Variants in CFLAR observed in about 807,000 individuals in gnomAD.
CFLAR encodes the protein CASP8 and FADD-like apoptosis regulator.
In CFLAR, 14 loss-of-function variants were observed where a neutral mutation model predicts 51.1. That is an observed-to-expected ratio of 0.27 (90% CI 0.18 to 0.43). The LOEUF (loss-of-function observed/expected upper bound fraction) is 0.43, where lower values mean the gene tolerates loss of function less well. Among genes scored for constraint, CFLAR ranks in the 20% least tolerant of loss-of-function variants. The pLI is 1.00. For missense variants in CFLAR, 390 were observed against 566.5 expected (o/e 0.69, Z 3.16); for synonymous variants, 210 against 211.6 (o/e 0.99, Z 0.06).
At position 201,129,992 on chromosome 2, in the gene CFLAR, A is replaced by G. The variant is rs1559181871; in HGVS notation, c.127A>G (p.Ile43Val). ...ACCTAATGTCAGGGACCTTCTGGATATTTTACGGGAAAGAGGTAAGCTGTC... is the reference window on the plus strand; with the variant it reads ...ACCTAATGTCAGGGACCTTCTGGATGTTTTACGGGAAAGAGGTAAGCTGTC... ...VPPNVRDLLD[I>V]LRERGKLSVG... Residue 43 changes from isoleucine (I) to valine (V), a missense_variant, in exon 2 of 10, where the codon ATT becomes GTT. By Grantham distance (29) the Ile-to-Val change is conservative. This residue lies in a region of CFLAR where 103 missense variants were observed against 202.9 expected (regional missense o/e 0.51). Coordinates refer to ENST00000309955, the MANE Select transcript of CFLAR (RefSeq NM_003879.7). 2.5e-6 allele frequency: 4 copies of G among 1,614,130 alleles called. No individual in the cohort carries two copies. The highest frequency in any genetic ancestry group is 4.5e-5 in the East Asian group (2 of 44,884).
Position 201,149,826 on chromosome 2 carries a change from A to G in CFLAR, c.784A>G (p.Asn262Asp). 1 of 1,612,994 alleles carries G rather than the reference A, an allele frequency of 6.2e-7. No homozygotes were observed. Among genetic ancestry groups the G allele is most frequent in the Non-Finnish European group, 8.5e-7 (1 of 1,178,952 alleles). ...CTGCCTGATAATCGATTGCATTGGC[A>G]ATGAGACAGGTAGGTGTGGAAGCTG... ...GICLIIDCIG[N>D]ETELLRDTFT... The change falls in exon 8 of 10, where the codon AAT (asparagine) becomes GAT (aspartate). Residue 262 changes from asparagine to aspartate, a missense_variant. Physicochemically the swap from Asn to Asp is conservative, Grantham distance 23. Around this residue, in one of 2 missense-constraint regions of CFLAR, gnomAD observed 287 missense variants for 363.6 expected, o/e 0.79. Coordinates refer to ENST00000309955, the MANE Select transcript of CFLAR (RefSeq NM_003879.7).
At chr2:201,127,668 G>GCATA (rs2048837725) in intron 1 of CFLAR, among the ~76,000 whole-genome samples, 1 of 152,176 alleles carries the variant, frequency 6.6e-6, no homozygotes, top group Admixed American at 6.5e-5. Flanking sequence ...ACTGCCTCCA[G>GCATA]CATACACACA....
intron 8 of CFLAR, 73 bp downstream of exon 8, chr2:201,149,908 G>T: frequency 1.7e-6 from 2 of 1,151,692 alleles, no homozygotes; most frequent in Non-Finnish European, 1.3e-6. Flanking sequence ...GTATTCATTG[G>T]AGTGATCAGC....
intron 8 of CFLAR, among the ~76,000 whole-genome samples, chr2:201,158,633 TTCAGCACTGGGTA>T (rs1386661252): frequency 6.6e-6 from 1 of 152,116 alleles, no homozygotes; most frequent in Non-Finnish European, 1.5e-5. Flanking sequence ...TCAGCCTGGA[TTCAGCACTGGGTA>T]TCGAAACAAG....
chr2:201,159,858 T>C (rs1301446607), intron 8 of CFLAR, among the ~76,000 whole-genome samples: 3 of 152,256 alleles, frequency 2.0e-5, no homozygotes, highest in Non-Finnish European at 4.4e-5. Flanking sequence ...TGGGCTGTTC[T>C]GGCCCAGAGT....
intron 1 of CFLAR, chr2:201,129,492 T>C (rs1337042519): frequency 8.0e-6 from 3 of 374,764 alleles, no homozygotes; most frequent in African/African-American, 4.2e-5. Flanking sequence ...TGCAGATGAG[T>C]TCATCTGTTG....
intron 1 of CFLAR, among the ~76,000 whole-genome samples, chr2:201,117,446 G>T (rs1444182536): frequency 6.6e-6 from 1 of 152,194 alleles, no homozygotes; most frequent in East Asian, 1.9e-4. Context: ...CCACGGGCAG[G>T]AAGTAAATTC....
rs750123826 is a variant in CFLAR at position 201,160,538 on chromosome 2, C to T, written c.900C>T (p.Pro300=). The change falls in exon 9 of 10, where the codon CCC becomes CCT. Residue 300 remains proline, a synonymous_variant. Coordinates refer to ENST00000309955, the MANE Select transcript of CFLAR (RefSeq NM_003879.7). ...TTCTTGGCCAATTTGCCTGTATGCC[C>T]GAGCACCGAGACTACGACAGCTTTG... ...SQILGQFACM[P]EHRDYDSFVC... 1.2e-5 allele frequency: 20 copies of T among 1,613,790 alleles called. No individual in the cohort carries two copies. The highest frequency in any genetic ancestry group is 6.7e-5 in the Admixed American group (4 of 59,978).
At chr2:201,132,721 G>C (rs2049496422) in intron 2 of CFLAR, 1 of 268,134 alleles carries the variant, frequency 3.7e-6, no homozygotes. Context: ...TCATTTCACT[G>C]TAACCTCTGG....
rs1184873586 is a variant in CFLAR, at chr2:201,116,856, C to G, written c.-138+375C>G. On this transcript the variant is annotated intron_variant, in intron 1 of 9. Coordinates refer to ENST00000309955, the MANE Select transcript of CFLAR (RefSeq NM_003879.7). The surrounding 1 kb of genome is among the most constrained non-coding windows in gnomAD (Gnocchi z 4.8). ...CTGGGCCACAGCGGTACAAGCTGCACCCCGATGGACCTGAGAGACCGGAAG... is the reference window on the plus strand; with the variant it reads ...CTGGGCCACAGCGGTACAAGCTGCAGCCCGATGGACCTGAGAGACCGGAAG... The G allele has an allele frequency of 6.6e-6, 1 of 152,298 alleles. No homozygotes were observed. Among genetic ancestry groups the G allele is most frequent in the Non-Finnish European group, 1.5e-5 (1 of 68,090 alleles). The allele number at this position is 152,298 out of a possible 1,614,324, so 9.4% of individuals were successfully genotyped here.
In CFLAR at chr2:201,129,976, C is replaced by T; in HGVS notation, c.111C>T (p.Val37=). Reference sequence around the variant, plus strand: ...CTATAGATGTGGTTCCACCTAATGTCAGGGACCTTCTGGATATTTTACGGG... The same window carrying T: ...CTATAGATGTGGTTCCACCTAATGTTAGGGACCTTCTGGATATTTTACGGG... The part of the protein sequence containing the change: ...DVAIDVVPPN[V]RDLLDILRER... Residue 37 remains valine (V), a synonymous_variant, in exon 2 of 10, where the codon GTC becomes GTT. Coordinates refer to ENST00000309955, the MANE Select transcript of CFLAR (RefSeq NM_003879.7). 1 of 1,614,154 alleles carries T rather than the reference C, an allele frequency of 6.2e-7. No homozygotes were observed. The highest frequency in any genetic ancestry group is 8.5e-7 in the Non-Finnish European group (1 of 1,180,030).
chr2:201,158,852 CATTATT>C (rs61427822), intron 8 of CFLAR, among the ~76,000 whole-genome samples: 268 of 139,618 alleles, frequency 1.9e-3, no homozygotes, highest in South Asian at 5.7e-3. Context: ...TTGCCCTCAT[CATTATT>C]ATTATTATTA....
At chr2:201,132,430 A>AATATATATATATATATATATATATATAT (rs35648857) in intron 2 of CFLAR, among the ~76,000 whole-genome samples, 14 of 137,960 alleles carry the variant, frequency 1.0e-4, no homozygotes, top group African/African-American at 3.8e-4. Flanking sequence ...GGGGGGGAAA[A>AATATATATATATATATATATATATATAT]ATATATATAT....
chr2:201,143,886 C>T (rs1939539233), intron 5 of CFLAR, among the ~76,000 whole-genome samples: 1 of 151,884 alleles, frequency 6.6e-6, no homozygotes, highest in Non-Finnish European at 1.5e-5. Context: ...CACTTGAACC[C>T]AGGCGGCAGA....
Position 201,124,852 on chromosome 2 carries a change from C to G in CFLAR, c.-137-4877C>G, listed in dbSNP as rs1217435263. Among the ~76,000 whole-genome samples, 1 of 151,902 alleles carries G rather than the reference C, an allele frequency of 6.6e-6. No homozygotes were observed. The highest frequency in any genetic ancestry group is 1.5e-5 in the Non-Finnish European group (1 of 67,976). On this transcript the variant is annotated intron_variant, in intron 1 of 9. Transcript: ENST00000309955. This position sits in a 1 kb window ranked among gnomAD's most constrained non-coding sequence, Gnocchi z 4.7. ...GTAGAATATAGTGGTGTGAGCTCAG[C>G]CAAGGGAGAAGAGTTTCAAGGAGGG...
chr2:201,148,134 G>A (rs1405372335), intron 6 of CFLAR: 1 of 151,994 alleles, frequency 6.6e-6, no homozygotes, highest in African/African-American at 2.4e-5. Flanking sequence ...AAGTATCAGA[G>A]ATAGCTGCTA....
At chr2:201,130,170 G>T (rs1173151494) in intron 2 of CFLAR, 24 bp downstream of exon 2, 1 of 1,410,276 alleles carries the variant, frequency 7.1e-7, no homozygotes, top group Non-Finnish European at 9.3e-7. Flanking sequence ...TCTTCCTGAG[G>T]CTGGGTGGGT....
chr2:201,125,779 C>G (rs1054508280), intron 1 of CFLAR, among the ~76,000 whole-genome samples: 2 of 152,014 alleles, frequency 1.3e-5, no homozygotes, highest in African/African-American at 4.8e-5. Flanking sequence ...AGGAAACCAC[C>G]AGGGTGTGGT....
chr2:201,141,996 C>CT (rs1363704946), intron 5 of CFLAR: 1 of 152,254 alleles, frequency 6.6e-6, no homozygotes, highest in African/African-American at 2.4e-5. Flanking sequence ...ATGCTTTTGG[C>CT]TGAGTGTGGT....
Sources: allele counts gnomAD v4.1 joint callset (sites outside exome capture counted in the v4.1 genomes callset), GRCh38; gene constraint gnomAD v4.1.1; regional missense constraint gnomAD v4.1.1; non-coding constraint Gnocchi (gnomAD v3.1); transcripts MANE v1.5; gene names NCBI Gene and HGNC (gene_info 2026-07-23, HGNC 2026-07-21).